USP3: variants seen among roughly 807,000 people sequenced by gnomAD.
USP3 encodes the protein ubiquitin carboxyl-terminal hydrolase 3.
A neutral mutation model predicts 72.3 loss-of-function variants in USP3; 20 were observed. The ratio of observed to expected loss-of-function variants is 0.28; its 90% CI spans 0.19 to 0.40. USP3 has a LOEUF of 0.40. Among genes scored for constraint, USP3 ranks in the 10% least tolerant of loss-of-function variants. The probability of loss-of-function intolerance (pLI) is 1.00; values close to 1 mark genes in which losing one functional copy is unlikely to be tolerated. For missense variants in USP3, 479 were observed against 633.9 expected (o/e 0.76, Z 2.62); for synonymous variants, 222 against 225.3 (o/e 0.99, Z 0.13).
intron 3 of USP3, among the ~76,000 whole-genome samples, chr15:63,547,236 C>CAACA (rs1324376836): frequency 6.6e-6 from 1 of 152,010 alleles, no homozygotes; most frequent in Non-Finnish European, 1.5e-5. Context: ...ATAGCGGTAA[C>CAACA]AACAATCATA....
chr15:63,523,346 G>T (rs1323178842), intron 1 of USP3, among the ~76,000 whole-genome samples: 1 of 152,042 alleles, frequency 6.6e-6, no homozygotes, highest in Non-Finnish European at 1.5e-5. Flanking sequence ...GCAGGCTCTG[G>T]AACGAACTTA....
In USP3 at chr15:63,504,693, C is replaced by T. The variant is rs1260637998; in HGVS notation, c.-47C>T. ...CTCCGGAGTTCCTCCGCCCCCACCT[C>T]GCCGGGTCCTGGAGCCGCAGTCCTC... On this transcript the variant is annotated 5_prime_UTR_variant, in exon 1 of 15. Transcript: ENST00000380324. 73 of 1,507,440 alleles carry T rather than the reference C, an allele frequency of 4.8e-5. No individual in the cohort carries two copies. The highest frequency in any genetic ancestry group is 6.3e-5 in the Non-Finnish European group (70 of 1,117,390). The allele number at this position is 1,507,440 out of a possible 1,614,324, so 93.4% of individuals were successfully genotyped here.
intron 3 of USP3, chr15:63,542,215 G>GGTAT (rs2066255298): frequency 1.0e-6 from 1 of 983,912 alleles, no homozygotes; most frequent in South Asian, 4.7e-5. Context: ...CTCTGTCTTG[G>GGTAT]GTATGACATA....
chr15:63,569,909 A>G lies in USP3; in HGVS notation c.762-524A>G, dbSNP rs1036095363. Among the ~76,000 whole-genome samples the G allele has an allele frequency of 7.0e-4, 106 of 152,374 alleles. 1 individual carries two copies. The highest frequency in any genetic ancestry group is 2.5e-3 in the African/African-American group (104 of 41,594). On this transcript the variant is annotated intron_variant, in intron 8 of 14. Transcript: ENST00000380324. The stretch of plus-strand genomic sequence containing the variant: ...AGTAAAGTGTTTCTTCCTTTCAGGC[A>G]GTGTTTAAAAATTAGTATCTTTCAA...
rs1349068691 is a variant in USP3 at position 63,592,679 on chromosome 15, A to G, written c.*1853A>G. ...TTGCACTCCTGGGCTCAAGTGATCC[A>G]CCCACCTTGGCTTCCCAAGGTGCTA... On this transcript the variant is annotated 3_prime_UTR_variant, in exon 15 of 15. Transcript: ENST00000380324. The G allele has an allele frequency of 6.7e-6, 1 of 150,346 alleles. No individual in the cohort carries two copies. Among genetic ancestry groups the G allele is most frequent in the African/African-American group, 2.5e-5 (1 of 40,740 alleles). 9.3% of individuals were successfully genotyped at this position (150,346 alleles called of 1,614,324 possible).
In USP3 at chr15:63,546,993, G is replaced by A. The variant is rs140371812; in HGVS notation, c.285-6722G>A. Among the ~76,000 whole-genome samples, 52 of 152,276 alleles carry A rather than the reference G, an allele frequency of 3.4e-4. No individual in the cohort carries two copies. The East Asian group carries it at 9.1e-3, about 27-fold the overall frequency. ...TCTCATCTGAAGACTAAAGCAACCCGGTAACATTTACATTTTCATTTATTT... is the reference window on the plus strand; with the variant it reads ...TCTCATCTGAAGACTAAAGCAACCCAGTAACATTTACATTTTCATTTATTT... On this transcript the variant is annotated intron_variant, in intron 3 of 14. Transcript: ENST00000380324.
At chr15:63,581,876 G>C (rs2066970168) in intron 11 of USP3, among the ~76,000 whole-genome samples, 1 of 151,548 alleles carries the variant, frequency 6.6e-6, no homozygotes, top group Admixed American at 6.6e-5. Flanking sequence ...GTAGACACAG[G>C]GTTTCACCCT....
rs2067117465 is a variant in USP3 at position 63,588,352 on chromosome 15, T to A, written c.1144T>A (p.Leu382Ile). ...CTTAGAAGAACTTGATGAGACAGAG[T>A]TATATATGTGCCATAAATGCAAAAA... ...TDLEELDETELYMCHKCKKKQ... is the reference protein window; with the variant it reads ...TDLEELDETEIYMCHKCKKKQ... Residue 382 changes from leucine (L) to isoleucine (I), a missense_variant, in exon 12 of 15, where the codon TTA (leucine) becomes ATA (isoleucine). Coordinates refer to ENST00000380324, the MANE Select transcript of USP3 (RefSeq NM_006537.4). The surrounding 1 kb of genome is among the most constrained non-coding windows in gnomAD (Gnocchi z 4.6). 1 of 1,607,162 alleles carries A rather than the reference T, an allele frequency of 6.2e-7. No homozygotes were observed. The highest frequency in any genetic ancestry group is 1.1e-5 in the South Asian group (1 of 89,170).
chr15:63,549,791 C>T (rs565874503), intron 3 of USP3, among the ~76,000 whole-genome samples: 185 of 152,218 alleles, frequency 1.2e-3, no homozygotes, highest in Non-Finnish European at 2.0e-3. Flanking sequence ...AAAATCTATT[C>T]CTGGTTTACT....
At chr15:63,521,111 A>G (rs540041343) in intron 1 of USP3, among the ~76,000 whole-genome samples, 3 of 150,658 alleles carry the variant, frequency 2.0e-5, no homozygotes, top group Admixed American at 6.7e-5. Flanking sequence ...TTTCCCTCAC[A>G]AAAGATAGCA....
chr15:63,588,760 A>G lies in USP3; in HGVS notation c.1274A>G (p.Asp425Gly). The G allele has an allele frequency of 1.2e-6, 2 of 1,614,208 alleles. No homozygotes were observed. The highest frequency in any genetic ancestry group is 8.5e-7 in the Non-Finnish European group (1 of 1,180,014). ...ACAGCATATTTAAGAAATAAAGTTGATACATACGTAGAATTTCCACTGAGA... is the reference window on the plus strand; with the variant it reads ...ACAGCATATTTAAGAAATAAAGTTGGTACATACGTAGAATTTCCACTGAGA... ...HWTAYLRNKV[D>G]TYVEFPLRGL... The change falls in exon 13 of 15, where the codon GAT becomes GGT. Residue 425 changes from aspartate to glycine, a missense_variant. Physicochemically the swap from Asp to Gly is moderately conservative, Grantham distance 94. Coordinates refer to ENST00000380324, the MANE Select transcript of USP3 (RefSeq NM_006537.4). This position sits in a 1 kb window ranked among gnomAD's most constrained non-coding sequence, Gnocchi z 4.6.
chr15:63,515,141 T>C (rs1055285995), intron 1 of USP3, among the ~76,000 whole-genome samples: 1 of 152,224 alleles, frequency 6.6e-6, no homozygotes. Flanking sequence ...TTCCTCCCAC[T>C]ATCCTTTCCC....
chr15:63,517,520 G>C (rs969802767), intron 1 of USP3, among the ~76,000 whole-genome samples: 1 of 152,112 alleles, frequency 6.6e-6, no homozygotes, highest in Non-Finnish European at 1.5e-5. Flanking sequence ...ACTTTTTCAT[G>C]TAAAAAGCTT....
intron 8 of USP3, among the ~76,000 whole-genome samples, chr15:63,566,142 A>G (rs62012770): frequency 0.12 from 18,910 of 152,180 alleles, 1,597 homozygotes; most frequent in South Asian, 0.2. Flanking sequence ...ACTTCCCAAG[A>G]TGGAACTTTA....
At chr15:63,576,111 T>C (rs534660647) in intron 11 of USP3, among the ~76,000 whole-genome samples, 16 of 151,890 alleles carry the variant, frequency 1.1e-4, no homozygotes, top group African/African-American at 3.9e-4. Flanking sequence ...CTCAGCCTCC[T>C]GAGTAGCTGG....
At chr15:63,563,829 A>T (rs1387552508) in intron 8 of USP3, among the ~76,000 whole-genome samples, 1 of 152,228 alleles carries the variant, frequency 6.6e-6, no homozygotes, top group East Asian at 1.9e-4. Context: ...GCCTAAAAAG[A>T]TGTAGTTAAT....
In USP3 at chr15:63,586,212, T is replaced by C. The variant is rs933113664; in HGVS notation, c.1097-2093T>C. Among the ~76,000 whole-genome samples, 17 of 152,212 alleles carry C rather than the reference T, an allele frequency of 1.1e-4. 1 individual carries two copies. The highest frequency in any genetic ancestry group is 7.2e-4 in the Admixed American group (11 of 15,282). ...GCTTTAGCTAAAACTTCCAATATTA[T>C]GTTGAACAGAAGTGGCAAAAGTGAG... On this transcript the variant is annotated intron_variant, in intron 11 of 14. Transcript: ENST00000380324.
chr15:63,557,093 T>A (rs980671008), intron 5 of USP3: 6 of 175,122 alleles, frequency 3.4e-5, no homozygotes, highest in African/African-American at 1.4e-4. Context: ...TTTTTTGAGA[T>A]GGAGTCCCAC....
At chr15:63,590,628 G>T (rs756533302) in intron 14 of USP3, 33 bp from the exon 15 acceptor site, 1 of 1,494,688 alleles carries the variant, frequency 6.7e-7, no homozygotes. Context: ...GATTTCTGAG[G>T]TTCTTTTTTC....
Sources: allele counts gnomAD v4.1 joint callset (sites outside exome capture counted in the v4.1 genomes callset), GRCh38; gene constraint gnomAD v4.1.1; non-coding constraint Gnocchi (gnomAD v3.1); transcripts MANE v1.5; gene names NCBI Gene and HGNC (gene_info 2026-07-23, HGNC 2026-07-21).